RALGPS2: variants seen among roughly 807,000 people sequenced by gnomAD.
RALGPS2 encodes ras-specific guanine nucleotide-releasing factor RalGPS2.
A neutral mutation model predicts 86.8 loss-of-function variants in RALGPS2; 43 were observed. The observed-to-expected ratio is 0.50, with a 90% CI of 0.39 to 0.64. RALGPS2 has a LOEUF of 0.64. RALGPS2 is among the 30% of genes least tolerant of loss of function. The probability of loss-of-function intolerance (pLI) is 0.00; values close to 1 mark genes in which losing one functional copy is unlikely to be tolerated. For missense variants in RALGPS2, 536 were observed against 694.6 expected (o/e 0.77, Z 2.57); for synonymous variants, 243 against 231.3 (o/e 1.05, Z -0.46).
At chr1:178,885,434 G>A in intron 12 of RALGPS2, 1 of 480,268 alleles carries the variant, frequency 2.1e-6, no homozygotes, top group Non-Finnish European at 3.6e-6. Context: ...TATATTTGGG[G>A]ACGATAAATG....
chr1:178,865,532 C>A (rs1658345774), intron 8 of RALGPS2: 2 of 1,614,124 alleles, frequency 1.2e-6, no homozygotes, highest in Non-Finnish European at 1.7e-6. Flanking sequence ...AAGGTCCATC[C>A]TGGTGATCAT....
intron 1 of RALGPS2, among the ~76,000 whole-genome samples, chr1:178,757,704 T>TG (rs1652024791): frequency 6.6e-6 from 1 of 152,180 alleles, no homozygotes; most frequent in Non-Finnish European, 1.5e-5. Context: ...AGTCGTGTGT[T>TG]GAAGATTTTT....
rs1294027991 is a variant in RALGPS2 at position 178,917,826 on chromosome 1, G to T, written c.*1467G>T. 2.0e-5 allele frequency: 3 copies of T among 152,124 alleles called. No individual in the cohort carries two copies. The highest frequency in any genetic ancestry group is 2.9e-5 in the Non-Finnish European group (2 of 67,998). The allele number at this position is 152,124 out of a possible 1,614,324, so 9.4% of individuals were successfully genotyped here. On this transcript the variant is annotated 3_prime_UTR_variant, in exon 20 of 20. Coordinates refer to ENST00000367635, the MANE Select transcript of RALGPS2 (RefSeq NM_152663.5). ...AACTCTTGAGACATAATGAATTTTA[G>T]CAGTGGCCTAGAGTAAGGTAATGCT...
intron 8 of RALGPS2, chr1:178,850,395 T>C (rs1657094550): frequency 6.6e-6 from 1 of 152,484 alleles, no homozygotes; most frequent in Non-Finnish European, 1.5e-5. Context: ...TAAAATGCAT[T>C]TCTGGAGATT....
rs560739809 is a variant in RALGPS2 at position 178,790,647 on chromosome 1, A to G, written c.213+5040A>G. Among the ~76,000 whole-genome samples the G allele has an allele frequency of 5.9e-5, 9 of 152,316 alleles. No homozygotes were observed. In the South Asian group the frequency reaches 1.9e-3, roughly 32 times the overall value. ...CTTCGTAGCATGCTTTTGATGTTCA[A>G]CATTGTTGACTAGCATCTGTGTTGA... On this transcript the variant is annotated intron_variant, in intron 4 of 19. Coordinates refer to ENST00000367635, the MANE Select transcript of RALGPS2 (RefSeq NM_152663.5).
chr1:178,910,352 G>T (rs1412183460), intron 19 of RALGPS2, among the ~76,000 whole-genome samples: 1 of 152,162 alleles, frequency 6.6e-6, no homozygotes, highest in Non-Finnish European at 1.5e-5. Flanking sequence ...TTCTGTAAGG[G>T]AATACTTCCA....
At chr1:178,748,333 A>G (rs1218534643) in intron 1 of RALGPS2, among the ~76,000 whole-genome samples, 3 of 152,036 alleles carry the variant, frequency 2.0e-5, no homozygotes, top group Admixed American at 6.5e-5. Context: ...AAAAAAAAAA[A>G]AAGAAGTTAA....
chr1:178,831,393 G>A (rs1454950496), intron 7 of RALGPS2, among the ~76,000 whole-genome samples: 1 of 152,190 alleles, frequency 6.6e-6, no homozygotes, highest in Non-Finnish European at 1.5e-5. Context: ...AATAATCTGG[G>A]AGTTTGTGTT....
At chr1:178,882,625 GA>G (rs1659307755) in intron 10 of RALGPS2, among the ~76,000 whole-genome samples, 1 of 152,106 alleles carries the variant, frequency 6.6e-6, no homozygotes, top group Admixed American at 6.5e-5. Flanking sequence ...TTAAATTTCA[GA>G]CAGACTCCGC....
intron 8 of RALGPS2, among the ~76,000 whole-genome samples, chr1:178,866,237 G>A (rs983857283): frequency 6.6e-5 from 10 of 152,264 alleles, no homozygotes; most frequent in African/African-American, 2.4e-4. Flanking sequence ...TGCCTAACTA[G>A]TATTAAAATT....
At chr1:178,817,250 C>A (rs1415300983) in intron 6 of RALGPS2, among the ~76,000 whole-genome samples, 1 of 148,260 alleles carries the variant, frequency 6.7e-6, no homozygotes, top group Non-Finnish European at 1.5e-5. Flanking sequence ...AAGGCTGAGG[C>A]AGGAGAATCA....
At chr1:178,864,171 C>G (rs1157766469) in intron 8 of RALGPS2, among the ~76,000 whole-genome samples, 1 of 152,054 alleles carries the variant, frequency 6.6e-6, no homozygotes, top group Admixed American at 6.6e-5. Flanking sequence ...AATTATTCAT[C>G]TTTGCTTTCT....
Position 178,885,117 on chromosome 1 carries a change from G to C in RALGPS2, c.946G>C (p.Val316Leu), listed in dbSNP as rs768441740. Residue 316 changes from valine to leucine, a missense_variant, in exon 12 of 20, where the codon GTG (valine) becomes CTG (leucine). By Grantham distance (32) the Val-to-Leu change is conservative (BLOSUM62 1). This residue lies in a region of RALGPS2 where 309 missense variants were observed against 363.0 expected (regional missense o/e 0.85). Coordinates refer to ENST00000367635, the MANE Select transcript of RALGPS2 (RefSeq NM_152663.5). The stretch of plus-strand genomic sequence containing the variant: ...GTCTCCACAGAGTGGACGAAAAAGT[G>C]TGGCAGCTGAAGGAGCCTTGCTCCC... ...GASPQSGRKS[V>L]AAEGALLPQT... is the part of the protein sequence containing the mutation. 3 of 1,612,408 alleles carry C rather than the reference G, an allele frequency of 1.9e-6. No homozygotes were observed. In the Admixed American group the frequency reaches 5.0e-5, roughly 27 times the overall value.
At chr1:178,909,220 G>A (rs992073047) in intron 19 of RALGPS2, among the ~76,000 whole-genome samples, 3 of 152,126 alleles carry the variant, frequency 2.0e-5, no homozygotes, top group Admixed American at 6.5e-5. Context: ...GTAGGTGTGA[G>A]GCATTATTTC....
chr1:178,880,612 A>G (rs1442282514), intron 10 of RALGPS2, among the ~76,000 whole-genome samples: 1 of 152,178 alleles, frequency 6.6e-6, no homozygotes, highest in East Asian at 1.9e-4. Context: ...TAGAACTCCT[A>G]CCTAATAAAT....
intron 1 of RALGPS2, among the ~76,000 whole-genome samples, chr1:178,745,965 G>A (rs1171590626): frequency 6.6e-6 from 1 of 151,612 alleles, no homozygotes; most frequent in Non-Finnish European, 1.5e-5. Flanking sequence ...GGGACTACAG[G>A]CATGTGCCAC....
At chr1:178,894,907 G>A (rs1209341842) in intron 16 of RALGPS2, among the ~76,000 whole-genome samples, 1 of 151,856 alleles carries the variant, frequency 6.6e-6, no homozygotes, top group Non-Finnish European at 1.5e-5. Flanking sequence ...AAGTATTTTA[G>A]TATTAAGTTT....
chr1:178,725,828 G>C, intron 1 of RALGPS2: 1 of 152,342 alleles, frequency 6.6e-6, no homozygotes, highest in Non-Finnish European at 1.5e-5. Context: ...CCCGATCCCG[G>C]ACCTCGGAGC....
intron 17 of RALGPS2, among the ~76,000 whole-genome samples, chr1:178,900,152 A>G (rs980710350): frequency 4.6e-5 from 7 of 152,006 alleles, no homozygotes; most frequent in Admixed American, 2.0e-4. Context: ...ACTTCTGTAC[A>G]GTTTGAATTT....
Sources: allele counts gnomAD v4.1 joint callset (sites outside exome capture counted in the v4.1 genomes callset), GRCh38; gene constraint gnomAD v4.1.1; regional missense constraint gnomAD v4.1.1; transcripts MANE v1.5; gene names NCBI Gene and HGNC (gene_info 2026-07-23, HGNC 2026-07-21).